The following PRAG1 variants were observed in gnomAD, a reference collection of about 807,000 sequenced individuals.
PRAG1 encodes inactive tyrosine-protein kinase PRAG1.
A neutral mutation model predicts 95.6 loss-of-function variants in PRAG1; 110 were observed. The observed-to-expected ratio is 1.15, with a 90% CI of 0.99 to 1.35. The LOEUF is 1.35. Among genes scored for constraint, PRAG1 ranks in the 40% most tolerant of loss-of-function variants. PRAG1 has a pLI of 0.00. For missense variants in PRAG1, 2,554 were observed against 1,864.7 expected (o/e 1.37, Z -6.81); for synonymous variants, 1,052 against 819.4 (o/e 1.28, Z -4.85).
In PRAG1 at chr8:8,377,853, T is replaced by C. The variant is rs780866992; in HGVS notation, c.556A>G (p.Lys186Glu). 7 of 1,614,102 alleles carry C rather than the reference T, an allele frequency of 4.3e-6. No individual in the cohort carries two copies. In the South Asian group the frequency reaches 7.7e-5, roughly 18 times the overall value. Reference protein sequence around the residue: ...AFHPVSFPEEKAVHKEKPSFP... With the variant: ...AFHPVSFPEEEAVHKEKPSFP... ...GAGGGTTTTTCTTTGTGCACAGCCTTCTCCTCCGGGAAGCTCACCGGGTGG... is the reference window on the plus strand; with the variant it reads ...GAGGGTTTTTCTTTGTGCACAGCCTCCTCCTCCGGGAAGCTCACCGGGTGG... Residue 186 changes from lysine to glutamate, a missense_variant, in exon 3 of 6, where the codon AAG (lysine) becomes GAG (glutamate). Coordinates refer to ENST00000615670, the MANE Select transcript of PRAG1 (RefSeq NM_001080826.3).
intron 3 of PRAG1, among the ~76,000 whole-genome samples, chr8:8,362,097 C>T (rs924312560): frequency 6.6e-6 from 1 of 152,212 alleles, no homozygotes; most frequent in Non-Finnish European, 1.5e-5. Flanking sequence ...CCTCTTCCCC[C>T]ACCCCTGGAG....
In PRAG1 at chr8:8,327,883, C is replaced by T. The variant is rs1056541937; in HGVS notation, c.2899G>A (p.Val967Ile). The change falls in exon 5 of 6, where the codon GTA becomes ATA. Residue 967 changes from valine to isoleucine, a missense_variant. Coordinates refer to ENST00000615670, the MANE Select transcript of PRAG1 (RefSeq NM_001080826.3). ...ATGAAGAGGTCCTCACATTTGGCTA[C>T]AAGGCGGGCCAGGGACTGGGTGTAG... is the stretch of plus-strand genomic sequence containing the variant. ...GLYTQSLARLVAKCEDLFMGG... is the reference protein window; with the variant it reads ...GLYTQSLARLIAKCEDLFMGG... 6 of 1,614,230 alleles carry T rather than the reference C, an allele frequency of 3.7e-6. No individual in the cohort carries two copies. The highest frequency in any genetic ancestry group is 1.1e-5 in the South Asian group (1 of 91,080).
intron 3 of PRAG1, among the ~76,000 whole-genome samples, chr8:8,371,066 G>A (rs1032824157): frequency 1.3e-5 from 2 of 150,398 alleles, no homozygotes; most frequent in Non-Finnish European, 3.0e-5. Context: ...AACCCGGGAG[G>A]CGGAGGTTGC....
At chr8:8,363,561 G>C (rs1208701623) in intron 3 of PRAG1, among the ~76,000 whole-genome samples, 2 of 152,188 alleles carry the variant, frequency 1.3e-5, no homozygotes, top group Non-Finnish European at 2.9e-5. Context: ...GAGGCTAAGG[G>C]AAGGGAGAAA....
At chr8:8,342,025 G>A (rs1313070639) in intron 3 of PRAG1, among the ~76,000 whole-genome samples, 1 of 151,914 alleles carries the variant, frequency 6.6e-6, no homozygotes, top group Non-Finnish European at 1.5e-5. Context: ...CAGCTACTTG[G>A]GAGACTGAGG....
intron 4 of PRAG1, among the ~76,000 whole-genome samples, chr8:8,329,920 C>A (rs1798765432): frequency 6.6e-6 from 1 of 152,220 alleles, no homozygotes. Context: ...ACCTTGAATG[C>A]AACGCTGACG....
At chr8:8,337,445 T>C (rs1337083892) in intron 4 of PRAG1, among the ~76,000 whole-genome samples, 2 of 152,026 alleles carry the variant, frequency 1.3e-5, no homozygotes, top group South Asian at 2.1e-4. Flanking sequence ...AGATTAATGA[T>C]TAATGTTTAA....
intron 3 of PRAG1, among the ~76,000 whole-genome samples, chr8:8,367,009 T>C (rs190661615): frequency 2.0e-5 from 3 of 152,234 alleles, no homozygotes; most frequent in Admixed American, 6.5e-5. Flanking sequence ...TTAGATTTTA[T>C]GGCTGAATCA....
chr8:8,355,388 T>C (rs1563244360), intron 3 of PRAG1, among the ~76,000 whole-genome samples: 2 of 152,054 alleles, frequency 1.3e-5, no homozygotes, highest in South Asian at 4.1e-4. Flanking sequence ...TCCAAAGGCA[T>C]TGTTCACAGA....
Position 8,318,734 on chromosome 8 carries a change from A to C in PRAG1, c.3641T>G (p.Ile1214Ser). 1.2e-6 allele frequency: 2 copies of C among 1,606,884 alleles called. No homozygotes were observed. The highest frequency in any genetic ancestry group is 4.5e-5 in the East Asian group (2 of 44,654). ...CTGCTTGGCCTTCAAAAAGTTGCTG[A>C]TGATGAGCCGGGGCAGCTGCTTCTC... ...PREKQLPRLI[I>S]SNFLKAKQKP... The change falls in exon 6 of 6, where the codon ATC (isoleucine) becomes AGC (serine). Residue 1214 changes from isoleucine (I) to serine (S), a missense_variant. Physicochemically the swap from Ile to Ser is moderately radical, Grantham distance 142 (BLOSUM62 -2). Coordinates refer to ENST00000615670, the MANE Select transcript of PRAG1 (RefSeq NM_001080826.3). The surrounding 1 kb of genome is among the most constrained non-coding windows in gnomAD (Gnocchi z 4.2).
chr8:8,327,174 T>A lies in PRAG1; in HGVS notation c.3072+536A>T, dbSNP rs1798657700. On this transcript the variant is annotated intron_variant, in intron 5 of 5. Transcript: ENST00000615670. ...ACTAAAAGGCAACTGTTTTCTTAAC[T>A]CAGCTAAAGCACAGAATGTGTCTTA... Among the ~76,000 whole-genome samples, 3 of 152,312 alleles carry A rather than the reference T, an allele frequency of 2.0e-5. No individual in the cohort carries two copies. In the South Asian group the frequency reaches 6.2e-4, roughly 32 times the overall value.
rs528782231 is a variant in PRAG1 at position 8,376,611 on chromosome 8, G to C, written c.1798C>G (p.Arg600Gly). The change falls in exon 3 of 6, where the codon CGG becomes GGG. Residue 600 changes from arginine (R) to glycine (G), a missense_variant. Transcript: ENST00000615670. Reference sequence around the variant, plus strand: ...TCACTGATAGCGACACCGTTGGTCCGGCAGGAAGGAGCGGGGTCAGCAGGA... The same window carrying C: ...TCACTGATAGCGACACCGTTGGTCCCGCAGGAAGGAGCGGGGTCAGCAGGA... The part of the protein sequence containing the change: ...QGPADPAPSC[R>G]TNGVAISDPS... 2 of 1,603,474 alleles carry C rather than the reference G, an allele frequency of 1.2e-6. No homozygotes were observed. Among genetic ancestry groups the C allele is most frequent in the Non-Finnish European group, 1.7e-6 (2 of 1,174,022 alleles).
intron 4 of PRAG1, among the ~76,000 whole-genome samples, chr8:8,332,460 G>C (rs541748543): frequency 5.9e-5 from 9 of 151,974 alleles, no homozygotes; most frequent in African/African-American, 2.2e-4. Flanking sequence ...TACTGTGCCC[G>C]GTCTATTATG....
rs756153459 is a variant in PRAG1 at position 8,376,822 on chromosome 8, A to T, written c.1587T>A (p.His529Gln). 3 of 1,612,256 alleles carry T rather than the reference A, an allele frequency of 1.9e-6. No individual in the cohort carries two copies. The highest frequency in any genetic ancestry group is 2.5e-6 in the Non-Finnish European group (3 of 1,179,884). The change falls in exon 3 of 6, where the codon CAT becomes CAA. Residue 529 changes from histidine (H) to glutamine (Q), a missense_variant. His to Gln is a conservative substitution (Grantham distance 24). Transcript: ENST00000615670. ...GCTTGCTCTCGCTGGCACTGTGAGC[A>T]TGGCTTTCCCTGGAGCTCAGCCCCT... ...AGQGLSSRES[H>Q]AHSASESKPK...
intron 5 of PRAG1, 47 bp from the exon 6 acceptor site, chr8:8,319,349 C>T (rs560803539): frequency 4.8e-6 from 7 of 1,448,784 alleles, no homozygotes; most frequent in South Asian, 2.9e-5. Flanking sequence ...CCCATGGTTC[C>T]GCCCAGCAAA....
intron 4 of PRAG1, among the ~76,000 whole-genome samples, chr8:8,333,583 T>A (rs1798889168): frequency 6.6e-6 from 1 of 152,228 alleles, no homozygotes; most frequent in Admixed American, 6.5e-5. Flanking sequence ...TCTGAGGTTT[T>A]CCTTATTATA....
In PRAG1 at chr8:8,328,381, T is replaced by C; in HGVS notation, c.2401A>G (p.Thr801Ala). The C allele has an allele frequency of 6.2e-7, 1 of 1,613,510 alleles. No individual in the cohort carries two copies. Among genetic ancestry groups the C allele is most frequent in the Non-Finnish European group, 8.5e-7 (1 of 1,179,910 alleles). Residue 801 changes from threonine (T) to alanine (A), a missense_variant, in exon 5 of 6, where the codon ACT becomes GCT. Thr to Ala is a moderately conservative substitution (Grantham distance 58). Transcript: ENST00000615670. ...FAPVPFPSGS[T>A]EDVSPSGPQQ... is the part of the protein sequence containing the mutation. ...GGGCCACTGGGGGACACGTCCTCAG[T>C]GGAGCCTGAAGGAAACGGAACGGGA...
chr8:8,346,811 C>T (rs562859904), intron 3 of PRAG1, among the ~76,000 whole-genome samples: 1 of 152,260 alleles, frequency 6.6e-6, no homozygotes, highest in Non-Finnish European at 1.5e-5. Flanking sequence ...TCTCACTGCC[C>T]CTGACTTTTG....
chr8:8,334,002 T>G (rs1015019104), intron 4 of PRAG1, among the ~76,000 whole-genome samples: 7 of 152,166 alleles, frequency 4.6e-5, no homozygotes, highest in African/African-American at 1.7e-4. Flanking sequence ...CATTAACTAT[T>G]CCTGCATCAG....
Sources: allele counts gnomAD v4.1 joint callset (sites outside exome capture counted in the v4.1 genomes callset), GRCh38; gene constraint gnomAD v4.1.1; non-coding constraint Gnocchi (gnomAD v3.1); transcripts MANE v1.5; gene names NCBI Gene and HGNC (gene_info 2026-07-23, HGNC 2026-07-21).